NRG3: variants seen among roughly 807,000 people sequenced by gnomAD.
The protein encoded by NRG3 is neuregulin 3.
In NRG3, 31 loss-of-function variants were observed where a neutral mutation model predicts 66.9. The ratio of observed to expected loss-of-function variants is 0.46; its 90% confidence interval spans 0.35 to 0.63. The LOEUF is 0.63. Ranked by LOEUF, NRG3 falls within the 20% of genes least tolerant of loss-of-function variation. The pLI is 0.00. For synonymous variants in NRG3, 393 were observed against 359.4 expected, an observed-to-expected ratio of 1.09 and a Z score of -1.06; for missense variants, 910 against 878.9, an observed-to-expected ratio of 1.04 and a Z score of -0.45.
intron 1 of NRG3, among the ~76,000 whole-genome samples, chr10:82,168,476 G>C (rs983761410): frequency 6.6e-6 from 1 of 152,134 alleles, no homozygotes; most frequent in Non-Finnish European, 1.5e-5. Context: ...GATAGATGAG[G>C]AAAGAATAAT....
At chr10:82,719,269 T>C in intron 2 of NRG3, among the ~76,000 whole-genome samples, 1 of 152,182 alleles carries the variant, frequency 6.6e-6, no homozygotes, top group African/African-American at 2.4e-5. Flanking sequence ...GCTATTCTAG[T>C]TTTGATAAAT....
intron 2 of NRG3, among the ~76,000 whole-genome samples, chr10:82,478,226 T>G (rs1003952607): frequency 3.9e-5 from 2 of 51,420 alleles, no homozygotes; most frequent in African/African-American, 9.1e-5. Flanking sequence ...TTGGCTTGTG[T>G]CACTCTTTTT....
At chr10:82,199,811 A>G (rs1240657489) in intron 1 of NRG3, among the ~76,000 whole-genome samples, 6 of 150,886 alleles carry the variant, frequency 4.0e-5, no homozygotes, top group Non-Finnish European at 7.4e-5. Context: ...TCCAGATTAC[A>G]TTTCTTTTTT....
At chr10:82,506,272 G>C (rs1308754218) in intron 2 of NRG3, among the ~76,000 whole-genome samples, 1 of 152,136 alleles carries the variant, frequency 6.6e-6, no homozygotes, top group African/African-American at 2.4e-5. Context: ...AACAAAACAA[G>C]AGACTTTGCG....
intron 2 of NRG3, among the ~76,000 whole-genome samples, chr10:82,545,933 G>T (rs960557902): frequency 1.3e-5 from 2 of 150,974 alleles, no homozygotes; most frequent in African/African-American, 4.9e-5. Context: ...GACGACAGGC[G>T]CCGGCCACCA....
intron 1 of NRG3, among the ~76,000 whole-genome samples, chr10:82,012,882 G>A (rs899511271): frequency 1.3e-5 from 2 of 152,094 alleles, no homozygotes; most frequent in African/African-American, 2.4e-5. Flanking sequence ...CAGCATTTTG[G>A]TCAAAACTAT....
chr10:82,517,241 G>A (rs1845745094), intron 2 of NRG3, among the ~76,000 whole-genome samples: 1 of 151,786 alleles, frequency 6.6e-6, no homozygotes, highest in Non-Finnish European at 1.5e-5. Context: ...GATTCTAACA[G>A]TTCTATACAC....
At chr10:82,053,308 G>A (rs1251609218) in intron 1 of NRG3, among the ~76,000 whole-genome samples, 1 of 152,118 alleles carries the variant, frequency 6.6e-6, no homozygotes, top group Non-Finnish European at 1.5e-5. Context: ...AAAGGCAGAA[G>A]GATGAGGGTT....
intron 1 of NRG3, among the ~76,000 whole-genome samples, chr10:82,043,031 G>A (rs971319970): frequency 6.6e-6 from 1 of 151,956 alleles, no homozygotes; most frequent in East Asian, 1.9e-4. Flanking sequence ...ACAGTTTCAT[G>A]CCTGCTCATT....
chr10:82,570,030 A>C (rs945852208), intron 2 of NRG3, among the ~76,000 whole-genome samples: 12 of 151,598 alleles, frequency 7.9e-5, no homozygotes, highest in African/African-American at 2.9e-4. Flanking sequence ...ACAATGCCAA[A>C]AGTACTGACA....
At chr10:82,820,470 C>G (rs2061902352) in intron 3 of NRG3, among the ~76,000 whole-genome samples, 1 of 152,050 alleles carries the variant, frequency 6.6e-6, no homozygotes. Flanking sequence ...TTAGATATCT[C>G]TTATGTTTAT....
chr10:82,537,174 A>G (rs1273648954), intron 2 of NRG3, among the ~76,000 whole-genome samples: 2 of 152,026 alleles, frequency 1.3e-5, no homozygotes, highest in East Asian at 1.9e-4. Flanking sequence ...CTACACTTGC[A>G]ATTAAATATA....
At chr10:81,995,927 GA>G (rs1417167764) in intron 1 of NRG3, among the ~76,000 whole-genome samples, 3 of 152,152 alleles carry the variant, frequency 2.0e-5, no homozygotes, top group Non-Finnish European at 4.4e-5. Flanking sequence ...CAGAGGGACT[GA>G]AATTGTTTTC....
At position 82,009,930 on chromosome 10, in the gene NRG3, G is replaced by T. The variant is rs1219590982; in HGVS notation, c.823+133767G>T. 3.3e-5 allele frequency among the ~76,000 whole-genome samples: 5 copies of T among 152,184 alleles called. No individual in the cohort carries two copies. In the East Asian group the frequency reaches 7.7e-4, roughly 23 times the overall value. ...GTCATGCCACCAATATGTGAGCTGTGCTTTTCTTTGACATTTTTCATTACT... is the reference window on the plus strand; with the variant it reads ...GTCATGCCACCAATATGTGAGCTGTTCTTTTCTTTGACATTTTTCATTACT... On this transcript the variant is annotated intron_variant, in intron 1 of 8. Coordinates refer to ENST00000372141, the MANE Select transcript of NRG3 (RefSeq NM_001010848.4).
intron 2 of NRG3, among the ~76,000 whole-genome samples, chr10:82,596,483 C>G (rs991790549): frequency 3.7e-4 from 57 of 152,094 alleles, no homozygotes; most frequent in African/African-American, 1.4e-3. Flanking sequence ...GAAGGTTTTT[C>G]CATTTCAAAC....
chr10:82,518,644 G>T (rs1359030853), intron 2 of NRG3, among the ~76,000 whole-genome samples: 1 of 152,016 alleles, frequency 6.6e-6, no homozygotes, highest in African/African-American at 2.4e-5. Flanking sequence ...GATATGTGAA[G>T]CAGTTAACAT....
At chr10:82,309,377 T>A (rs2080907316) in intron 1 of NRG3, among the ~76,000 whole-genome samples, 1 of 152,192 alleles carries the variant, frequency 6.6e-6, no homozygotes, top group Non-Finnish European at 1.5e-5. Context: ...GTTCTGCCAC[T>A]TGTAGTATTT....
chr10:82,442,684 A>G (rs757083043), intron 2 of NRG3, among the ~76,000 whole-genome samples: 13 of 151,756 alleles, frequency 8.6e-5, no homozygotes, highest in Non-Finnish European at 1.5e-4. Flanking sequence ...GTCAGAGTCT[A>G]CACATTTATC....
chr10:82,936,979 A>T (rs1476277659), intron 4 of NRG3, among the ~76,000 whole-genome samples: 1 of 152,168 alleles, frequency 6.6e-6, no homozygotes, highest in African/African-American at 2.4e-5. Flanking sequence ...ATCAGCACTG[A>T]TATTTATAAA....
Sources: allele counts gnomAD v4.1 joint callset (sites outside exome capture counted in the v4.1 genomes callset), GRCh38; gene constraint gnomAD v4.1.1; transcripts MANE v1.5; gene names NCBI Gene and HGNC (gene_info 2026-07-23, HGNC 2026-07-21).